KCNK9: variants seen among roughly 807,000 people sequenced by gnomAD.
The protein encoded by KCNK9 is potassium two pore domain channel subfamily K member 9.
Under a neutral mutation model 10.8 loss-of-function variants are expected in KCNK9, and 1 was observed. That is an observed-to-expected ratio of 0.09 (90% confidence interval 0.03 to 0.44). The LOEUF is 0.44. Ranked by LOEUF, KCNK9 falls within the 20% of genes least tolerant of loss-of-function variation. The pLI, the probability that KCNK9 is intolerant of heterozygous loss-of-function variation, is 0.97. For missense variants in KCNK9, 303 were observed against 515.0 expected, an observed-to-expected ratio of 0.59 and a Z score of 3.98; for synonymous variants, 231 against 222.7, an observed-to-expected ratio of 1.04 and a Z score of -0.33.
At chr8:139,610,314 C>T (rs1011133912), downstream of KCNK9, among the ~76,000 whole-genome samples, 1 of 152,170 alleles carries the variant, frequency 6.6e-6, no homozygotes, top group Non-Finnish European at 1.5e-5. Context: ...GCCCACAAGG[C>T]CTTAGCCAGC....
chr8:139,634,905 C>T (rs1008877838), intron 1 of KCNK9, among the ~76,000 whole-genome samples: 1 of 152,140 alleles, frequency 6.6e-6, no homozygotes, highest in African/African-American at 2.4e-5. Flanking sequence ...GGGACTTCAT[C>T]TGAAGGGTGT....
chr8:139,654,617 C>T (rs535925446), intron 1 of KCNK9, among the ~76,000 whole-genome samples: 3 of 152,356 alleles, frequency 2.0e-5, no homozygotes, highest in East Asian at 3.9e-4. Context: ...GAACTGTCAC[C>T]TTCTCCAGGA....
intron 1 of KCNK9, among the ~76,000 whole-genome samples, chr8:139,653,388 C>T (rs1815925680): frequency 6.6e-6 from 1 of 152,128 alleles, no homozygotes; most frequent in African/African-American, 2.4e-5. Context: ...AGGTCCCCTA[C>T]CTGGAGTGCC....
chr8:139,700,668 C>G (rs1817197192), intron 1 of KCNK9, among the ~76,000 whole-genome samples: 1 of 152,164 alleles, frequency 6.6e-6, no homozygotes. Context: ...CTTATTCATA[C>G]AAGTCCCACA....
intron 1 of KCNK9, among the ~76,000 whole-genome samples, chr8:139,664,158 G>A (rs1314904963): frequency 6.6e-6 from 1 of 152,210 alleles, no homozygotes; most frequent in Non-Finnish European, 1.5e-5. Flanking sequence ...CAGAACCAGG[G>A]CTGTGATGTC....
chr8:139,644,857 C>T (rs1052491007), intron 1 of KCNK9, among the ~76,000 whole-genome samples: 5 of 152,172 alleles, frequency 3.3e-5, no homozygotes, highest in African/African-American at 9.7e-5. Flanking sequence ...TGCCAAGAGC[C>T]CTGCCTCCCC....
chr8:139,678,991 C>T (rs1381631084), intron 1 of KCNK9, among the ~76,000 whole-genome samples: 3 of 152,244 alleles, frequency 2.0e-5, no homozygotes, highest in African/African-American at 7.2e-5. Context: ...TGAAAAGATG[C>T]ATTTGCGGGT....
chr8:139,620,876 A>G (rs1463046350), intron 1 of KCNK9, among the ~76,000 whole-genome samples: 1 of 152,224 alleles, frequency 6.6e-6, no homozygotes, highest in African/African-American at 2.4e-5. Context: ...TCTGAAGAGC[A>G]GAGAGGAATA....
rs559448567 is a variant in KCNK9 at position 139,624,977 on chromosome 8, A to AC, written c.284-5879dup. ...TATGACTCCTGAGCACCCTGGGAGG[A>AC]CCCCTCTACTTCCTCATCTGTGAAA... On this transcript the variant is annotated intron_variant, in intron 1 of 1. Coordinates refer to ENST00000520439, the MANE Select transcript of KCNK9 (RefSeq NM_001282534.2). Among the ~76,000 whole-genome samples the AC allele has an allele frequency of 2.9e-3, 438 of 152,038 alleles. 5 individuals are homozygous for AC. Among genetic ancestry groups the AC allele is most frequent in the African/African-American group, 0.01 (429 of 41,484 alleles).
intron 2 of KCNK9, among the ~76,000 whole-genome samples, chr8:139,606,325 A>C (rs1026208167): frequency 3.3e-5 from 5 of 152,120 alleles, no homozygotes; most frequent in African/African-American, 1.2e-4. Context: ...AACCAAACCC[A>C]GGTCCCCTTA....
chr8:139,687,633 TAC>T (rs1418107362), intron 1 of KCNK9, among the ~76,000 whole-genome samples: 2 of 34,770 alleles, frequency 5.8e-5, no homozygotes, highest in African/African-American at 1.5e-4. Context: ...TTCATATGTA[TAC>T]ATATGTATAC....
intron 1 of KCNK9, among the ~76,000 whole-genome samples, chr8:139,638,420 G>A (rs749638474): frequency 6.6e-5 from 10 of 152,166 alleles, no homozygotes; most frequent in South Asian, 2.1e-4. Context: ...CAGGAGCTAC[G>A]GAAGACTTGG....
chr8:139,655,619 A>G (rs371151668), intron 1 of KCNK9, among the ~76,000 whole-genome samples: 1 of 152,138 alleles, frequency 6.6e-6, no homozygotes, highest in Admixed American at 6.5e-5. Context: ...AGAAATCCCT[A>G]TTTCTCAGCT....
downstream of KCNK9, among the ~76,000 whole-genome samples, chr8:139,610,018 T>G (rs1345026447): frequency 6.6e-6 from 1 of 151,972 alleles, no homozygotes; most frequent in Non-Finnish European, 1.5e-5. Flanking sequence ...CCACCCATGT[T>G]CCCTAGACTT....
chr8:139,698,526 A>G (rs530592801), intron 1 of KCNK9, among the ~76,000 whole-genome samples: 9 of 152,374 alleles, frequency 5.9e-5, no homozygotes, highest in Admixed American at 1.3e-4. Flanking sequence ...TACCCCCTGC[A>G]TGTGCTAAGC....
At chr8:139,691,861 G>T (rs1376918939) in intron 1 of KCNK9, among the ~76,000 whole-genome samples, 1 of 152,212 alleles carries the variant, frequency 6.6e-6, no homozygotes, top group Non-Finnish European at 1.5e-5. Context: ...GCTTTGAGAA[G>T]CAGCATGCCC....
intron 1 of KCNK9, 131 bp from the exon 2 acceptor site, chr8:139,619,230 A>G: frequency 9.9e-7 from 1 of 1,012,320 alleles, no homozygotes; most frequent in Non-Finnish European, 1.5e-6. Flanking sequence ...TTTCCTCTGC[A>G]GGGTAGAGGG....
chr8:139,688,022 A>ATGTG (rs371899074), intron 1 of KCNK9, among the ~76,000 whole-genome samples: 3 of 151,844 alleles, frequency 2.0e-5, no homozygotes, highest in East Asian at 1.9e-4. Context: ...CCTAACATTA[A>ATGTG]TGTGTGTGTG....
At chr8:139,640,828 A>G (rs1563730050) in intron 1 of KCNK9, among the ~76,000 whole-genome samples, 1 of 152,234 alleles carries the variant, frequency 6.6e-6, no homozygotes, top group East Asian at 1.9e-4. Flanking sequence ...CTGTATTTTC[A>G]TGCCACGTTC....
Sources: allele counts gnomAD v4.1 joint callset (sites outside exome capture counted in the v4.1 genomes callset), GRCh38; gene constraint gnomAD v4.1.1; transcripts MANE v1.5; gene names NCBI Gene and HGNC (gene_info 2026-07-23, HGNC 2026-07-21).